RIMBP2: variants seen among roughly 807,000 people sequenced by gnomAD.
RIMBP2 encodes the protein RIMS binding protein 2.
RIMBP2 carries 48 observed loss-of-function variants against 118.6 expected under a neutral mutation model. The observed-to-expected ratio is 0.40, with a 90% CI of 0.32 to 0.51. RIMBP2 has a LOEUF of 0.51. Ranked by LOEUF, RIMBP2 falls within the 20% of genes least tolerant of loss-of-function variation. The pLI is 0.41. For synonymous variants in RIMBP2, 762 were observed against 742.9 expected (o/e 1.03, Z -0.42); for missense variants, 1,551 against 1,768.3 (o/e 0.88, Z 2.20).
At chr12:130,674,263 A>G (rs2064338905) in intron 1 of RIMBP2, among the ~76,000 whole-genome samples, 1 of 152,046 alleles carries the variant, frequency 6.6e-6, no homozygotes, top group Non-Finnish European at 1.5e-5. Flanking sequence ...GCCTTCCGCC[A>G]CGATAAAAAG....
chr12:130,517,984 G>T (rs2051654523), intron 2 of RIMBP2, 67 bp from the exon 3 acceptor site: 2 of 597,056 alleles, frequency 3.3e-6, no homozygotes, highest in Non-Finnish European at 2.1e-6. Flanking sequence ...GAGTGCAGTG[G>T]TTAGGAGCTC....
intron 2 of RIMBP2, among the ~76,000 whole-genome samples, chr12:130,562,215 C>A (rs989617401): frequency 6.6e-6 from 1 of 152,138 alleles, no homozygotes; most frequent in Non-Finnish European, 1.5e-5. Flanking sequence ...TACTTCAAAG[C>A]CACCCTCCAT....
chr12:130,713,840 T>C (rs1950140621), intron 1 of RIMBP2, among the ~76,000 whole-genome samples: 1 of 152,190 alleles, frequency 6.6e-6, no homozygotes, highest in African/African-American at 2.4e-5. Context: ...CTCAGCTTCA[T>C]GTATGACCTC....
Position 130,451,091 on chromosome 12 carries a change from CAGGG to C in RIMBP2, c.504+100_504+103del, listed in dbSNP as rs2078966843. On this transcript the variant is annotated intron_variant, in intron 8 of 22. Coordinates refer to ENST00000690449, the MANE Select transcript of RIMBP2 (RefSeq NM_001393629.1). The stretch of plus-strand genomic sequence containing the variant: ...AGGGAAGAACCAACCAGAAGGAAGA[CAGGG>C]AGGAAGATGGGGAAGAAAAAACAGG... 10 of 1,298,986 alleles carry C rather than the reference CAGGG, an allele frequency of 7.7e-6. No individual in the cohort carries two copies. The East Asian group carries it at 2.1e-4, about 27-fold the overall frequency. The allele number at this position is 1,298,986 out of a possible 1,614,324, so 80.5% of individuals were successfully genotyped here.
intron 1 of RIMBP2, among the ~76,000 whole-genome samples, chr12:130,699,925 A>G (rs1483028417): frequency 1.1e-3 from 159 of 149,692 alleles, no homozygotes; most frequent in African/African-American, 3.1e-3. Context: ...AAAAAAAAAA[A>G]AAAAGAAATA....
Position 130,570,542 on chromosome 12 carries a change from C to G in RIMBP2, c.-216-52625G>C, listed in dbSNP as rs150265557. The stretch of plus-strand genomic sequence containing the variant: ...GAGGAACAGCATAAAACAGGAGCAA[C>G]AGAAGGTGACAGGTAAGAGGTGAGG... On this transcript the variant is annotated intron_variant, in intron 2 of 22. Coordinates refer to ENST00000690449, the MANE Select transcript of RIMBP2 (RefSeq NM_001393629.1). 4.9e-3 allele frequency among the ~76,000 whole-genome samples: 746 copies of G among 152,310 alleles called. 8 individuals carry two copies. Among genetic ancestry groups the G allele is most frequent in the African/African-American group, 0.017 (717 of 41,572 alleles).
intron 1 of RIMBP2, among the ~76,000 whole-genome samples, chr12:130,681,611 G>A (rs538011644): frequency 8.5e-5 from 13 of 152,180 alleles, no homozygotes; most frequent in South Asian, 8.3e-4. Context: ...AACTAAGGTC[G>A]TGTAAATTAA....
intron 4 of RIMBP2, among the ~76,000 whole-genome samples, chr12:130,481,749 A>G (rs1593467306): frequency 1.3e-5 from 2 of 152,142 alleles, no homozygotes; most frequent in African/African-American, 4.8e-5. Context: ...CGTTTACTCC[A>G]GCTCTGAGCC....
intron 16 of RIMBP2, among the ~76,000 whole-genome samples, chr12:130,423,370 G>T (rs1003854934): frequency 6.6e-6 from 1 of 152,228 alleles, no homozygotes; most frequent in Non-Finnish European, 1.5e-5. Flanking sequence ...CACCTCTCCT[G>T]GGTGGGCCCA....
rs965059479 is a variant in RIMBP2, at chr12:130,442,925, A to T, written c.692-265T>A. On this transcript the variant is annotated intron_variant, in intron 10 of 22. Transcript: ENST00000690449. This position sits in a 1 kb window ranked among gnomAD's most constrained non-coding sequence, Gnocchi z 6.9. ...AACCATCATGTTTGTGTATCCGTGT[A>T]CGTACACTGACTACCCCCTCCCAAC... 6.6e-6 allele frequency among the ~76,000 whole-genome samples: 1 copy of T among 152,144 alleles called. No individual in the cohort carries two copies. The highest frequency in any genetic ancestry group is 6.6e-5 in the Admixed American group (1 of 15,264).
intron 2 of RIMBP2, among the ~76,000 whole-genome samples, chr12:130,596,669 G>A (rs1057332355): frequency 6.6e-6 from 1 of 152,190 alleles, no homozygotes; most frequent in African/African-American, 2.4e-5. Context: ...CACAGTAAGT[G>A]CTCGGTAACA....
chr12:130,471,341 TA>T (rs1183878592), intron 5 of RIMBP2, among the ~76,000 whole-genome samples: 2 of 152,258 alleles, frequency 1.3e-5, no homozygotes, highest in African/African-American at 4.8e-5. Context: ...GATGGAACAC[TA>T]TCATTTCTTG....
chr12:130,500,385 C>G (rs1400352235), intron 4 of RIMBP2, among the ~76,000 whole-genome samples: 5 of 152,134 alleles, frequency 3.3e-5, no homozygotes. Flanking sequence ...TTGAACCTGG[C>G]AGGCGGAGGT....
intron 2 of RIMBP2, among the ~76,000 whole-genome samples, chr12:130,534,531 T>C (rs2053813907): frequency 6.6e-6 from 1 of 152,226 alleles, no homozygotes; most frequent in South Asian, 2.1e-4. Flanking sequence ...AAACTGCACT[T>C]GTACCCCTTA....
intron 1 of RIMBP2, among the ~76,000 whole-genome samples, chr12:130,644,283 C>T (rs938229920): frequency 6.6e-6 from 1 of 152,142 alleles, no homozygotes; most frequent in East Asian, 1.9e-4. Flanking sequence ...GGAAACACAC[C>T]ACGTCCTGCC....
At chr12:130,652,609 G>C (rs540493328) in intron 1 of RIMBP2, among the ~76,000 whole-genome samples, 10 of 152,262 alleles carry the variant, frequency 6.6e-5, no homozygotes, top group African/African-American at 1.9e-4. Context: ...GAGCATCTCA[G>C]TGGTCTTGCA....
chr12:130,593,190 G>A (rs1269448988), intron 2 of RIMBP2, among the ~76,000 whole-genome samples: 1 of 152,224 alleles, frequency 6.6e-6, no homozygotes, highest in African/African-American at 2.4e-5. Context: ...TCCCCAAGGA[G>A]GGACCCTCCA....
chr12:130,712,520 G>GAGGTCTCC (rs1206279859), intron 1 of RIMBP2, among the ~76,000 whole-genome samples: 1 of 152,098 alleles, frequency 6.6e-6, no homozygotes, highest in Non-Finnish European at 1.5e-5. Flanking sequence ...GTCCCGCTGG[G>GAGGTCTCC]AGGTCTCCAG....
At position 130,447,432 on chromosome 12, in the gene RIMBP2, G is replaced by T. The variant is rs947026721; in HGVS notation, c.582-2163C>A. On this transcript the variant is annotated intron_variant, in intron 9 of 22. Transcript: ENST00000690449. The surrounding 1 kb of genome is among the most constrained non-coding windows in gnomAD (Gnocchi z 4.4). ...TGAGACCAGGGGACACGTCGGGAATGGGGACTCAACAGAGACAGAAGTAGG... is the reference window on the plus strand; with the variant it reads ...TGAGACCAGGGGACACGTCGGGAATTGGGACTCAACAGAGACAGAAGTAGG... 3.3e-5 allele frequency among the ~76,000 whole-genome samples: 5 copies of T among 152,238 alleles called. No individual in the cohort carries two copies. In the East Asian group the frequency reaches 9.7e-4, roughly 30 times the overall value.
Sources: allele counts gnomAD v4.1 joint callset (sites outside exome capture counted in the v4.1 genomes callset), GRCh38; gene constraint gnomAD v4.1.1; non-coding constraint Gnocchi (gnomAD v3.1); transcripts MANE v1.5; gene names NCBI Gene and HGNC (gene_info 2026-07-23, HGNC 2026-07-21).